ARHGAP24: variants seen among roughly 807,000 people sequenced by gnomAD.
ARHGAP24 encodes rho GTPase-activating protein 24.
ARHGAP24 carries 50 observed loss-of-function variants against 76.4 expected under a neutral mutation model. That is an observed-to-expected ratio of 0.65 (90% CI 0.52 to 0.83). The LOEUF is 0.83. ARHGAP24 is among the 40% of genes least tolerant of loss of function. The pLI is 0.00. For synonymous variants in ARHGAP24, 345 were observed against 323.3 expected, an observed-to-expected ratio of 1.07 and a Z score of -0.72; for missense variants, 930 against 914.2, an observed-to-expected ratio of 1.02 and a Z score of -0.22.
chr4:85,809,985 C>T (rs1377387213), intron 3 of ARHGAP24, among the ~76,000 whole-genome samples: 2 of 152,188 alleles, frequency 1.3e-5, no homozygotes, highest in African/African-American at 4.8e-5. Context: ...TTTTTTGAGA[C>T]TCAATTTCCT....
At chr4:85,494,563 C>T (rs1723483484) in intron 1 of ARHGAP24, among the ~76,000 whole-genome samples, 1 of 151,736 alleles carries the variant, frequency 6.6e-6, no homozygotes, top group African/African-American at 2.4e-5. Flanking sequence ...AGCCTGTAGT[C>T]TCAGCTACCC....
chr4:85,644,559 T>TA (rs1294724093), intron 2 of ARHGAP24, among the ~76,000 whole-genome samples: 4 of 152,142 alleles, frequency 2.6e-5, no homozygotes, highest in Admixed American at 6.5e-5. Context: ...AATTTATTCT[T>TA]AAGATAGAGA....
chr4:85,948,178 A>G (rs1284103373), intron 5 of ARHGAP24, among the ~76,000 whole-genome samples: 1 of 152,158 alleles, frequency 6.6e-6, no homozygotes, highest in Non-Finnish European at 1.5e-5. Flanking sequence ...AGAAAATCAG[A>G]TCAATAGTTA....
intron 1 of ARHGAP24, among the ~76,000 whole-genome samples, chr4:85,520,658 G>A (rs1724705491): frequency 6.6e-6 from 1 of 152,158 alleles, no homozygotes; most frequent in Non-Finnish European, 1.5e-5. Flanking sequence ...ATTGAACCAT[G>A]TGTCAGCTGC....
intron 3 of ARHGAP24, among the ~76,000 whole-genome samples, chr4:85,854,491 A>G (rs1156679880): frequency 2.0e-5 from 3 of 152,192 alleles, no homozygotes; most frequent in Non-Finnish European, 4.4e-5. Context: ...ACTACTTGAC[A>G]TTTCCTACCT....
intron 2 of ARHGAP24, among the ~76,000 whole-genome samples, chr4:85,586,312 A>G (rs940131574): frequency 1.3e-5 from 2 of 152,294 alleles, no homozygotes; most frequent in South Asian, 4.1e-4. Context: ...ATCTTTGTTC[A>G]TACTTTCTTA....
At chr4:85,684,374 A>G (rs942234524) in intron 2 of ARHGAP24, among the ~76,000 whole-genome samples, 6 of 152,168 alleles carry the variant, frequency 3.9e-5, no homozygotes, top group Admixed American at 3.9e-4. Context: ...GATGAAATAT[A>G]TTACATTTTA....
intron 3 of ARHGAP24, among the ~76,000 whole-genome samples, chr4:85,746,128 C>T (rs568148281): frequency 7.4e-4 from 112 of 152,202 alleles, no homozygotes; most frequent in Middle Eastern, 3.4e-3. Context: ...AATATAGATA[C>T]CTGCTTTTTT....
intron 2 of ARHGAP24, among the ~76,000 whole-genome samples, chr4:85,683,109 T>TGGG (rs1205882687): frequency 5.1e-4 from 9 of 17,480 alleles, no homozygotes; most frequent in African/African-American, 1.6e-3. Context: ...TCTCAGTGTG[T>TGGG]GGGGGGGTGG....
At chr4:85,642,653 A>G (rs1232376139) in intron 2 of ARHGAP24, among the ~76,000 whole-genome samples, 1 of 151,944 alleles carries the variant, frequency 6.6e-6, no homozygotes, top group Non-Finnish European at 1.5e-5. Context: ...CAAAACTTTA[A>G]CATTTCTTAC....
intron 3 of ARHGAP24, among the ~76,000 whole-genome samples, chr4:85,918,880 T>G (rs1735563305): frequency 6.6e-6 from 1 of 152,166 alleles, no homozygotes; most frequent in East Asian, 1.9e-4. Flanking sequence ...CAACAAGAGT[T>G]AACATCTAAA....
At chr4:85,627,568 C>T (rs1286852397) in intron 2 of ARHGAP24, among the ~76,000 whole-genome samples, 6 of 152,280 alleles carry the variant, frequency 3.9e-5, no homozygotes, top group Middle Eastern at 3.4e-3. Context: ...TCTCAAGCTG[C>T]GTGCTGGGAG....
chr4:85,810,521 T>C (rs1180120817), intron 3 of ARHGAP24, among the ~76,000 whole-genome samples: 1 of 152,164 alleles, frequency 6.6e-6, no homozygotes, highest in Non-Finnish European at 1.5e-5. Flanking sequence ...CTTGGGCAGG[T>C]CATTTAGCTG....
intron 3 of ARHGAP24, among the ~76,000 whole-genome samples, chr4:85,782,036 C>CAAAAAAAAAAAA (rs11353046): frequency 1.9e-5 from 2 of 106,624 alleles, no homozygotes; most frequent in Admixed American, 1.9e-4. Flanking sequence ...GATTCTATCT[C>CAAAAAAAAAAAA]AAAAAAAAAA....
chr4:85,588,798 A>G (rs975777837), intron 2 of ARHGAP24, among the ~76,000 whole-genome samples: 3 of 152,238 alleles, frequency 2.0e-5, no homozygotes, highest in Non-Finnish European at 4.4e-5. Context: ...GTATTTTATT[A>G]TCAATACAAA....
At chr4:85,911,864 CA>C (rs1270162644) in intron 3 of ARHGAP24, among the ~76,000 whole-genome samples, 1 of 152,144 alleles carries the variant, frequency 6.6e-6, no homozygotes, top group Non-Finnish European at 1.5e-5. Context: ...AGCATACAAG[CA>C]TTTGTATTAA....
chr4:85,888,505 G>A (rs1435699040), intron 3 of ARHGAP24, among the ~76,000 whole-genome samples: 2 of 151,798 alleles, frequency 1.3e-5, no homozygotes, highest in Non-Finnish European at 2.9e-5. Context: ...GCTCTGAGCA[G>A]CAATTATTAT....
chr4:85,622,137 T>C (rs545781638), intron 2 of ARHGAP24, among the ~76,000 whole-genome samples: 1 of 152,222 alleles, frequency 6.6e-6, no homozygotes. Context: ...AGGGTGCATG[T>C]GCACAACATG....
intron 1 of ARHGAP24, among the ~76,000 whole-genome samples, chr4:85,512,786 C>A (rs1393657335): frequency 1.3e-5 from 2 of 152,280 alleles, no homozygotes; most frequent in East Asian, 1.9e-4. Flanking sequence ...CTGATAATGA[C>A]AAGCCATTCT....
Sources: gnomAD v4.1 joint callset for allele counts (sites outside exome capture counted in the v4.1 genomes callset) on GRCh38, gnomAD v4.1.1 for gene constraint, MANE v1.5 for transcripts, NCBI Gene and HGNC (gene_info 2026-07-23, HGNC 2026-07-21) for gene names.